The following MYO16 variants were observed in gnomAD, a reference collection of about 807,000 sequenced individuals.
MYO16 encodes the protein unconventional myosin-XVI.
MYO16 carries 94 observed loss-of-function variants against 205.3 expected under a neutral mutation model. The ratio of observed to expected loss-of-function variants is 0.46; its 90% CI spans 0.39 to 0.54. The LOEUF (loss-of-function observed/expected upper bound fraction) is 0.54, where lower values mean the gene tolerates loss of function less well. Ranked by LOEUF, MYO16 falls within the 20% of genes least tolerant of loss-of-function variation. The probability of loss-of-function intolerance (pLI) is 0.00; values close to 1 mark genes in which losing one functional copy is unlikely to be tolerated. For synonymous variants in MYO16, 988 were observed against 954.0 expected, an observed-to-expected ratio of 1.04 and a Z score of -0.66; for missense variants, 2,315 against 2,387.5, an observed-to-expected ratio of 0.97 and a Z score of 0.63.
chr13:108,741,844 T>A (rs931975417), intron 4 of MYO16, among the ~76,000 whole-genome samples: 1 of 152,200 alleles, frequency 6.6e-6, no homozygotes, highest in African/African-American at 2.4e-5. Context: ...GTTTCTGCAA[T>A]ACATTTTCAC....
At chr13:108,980,746 G>A (rs1302983368) in intron 20 of MYO16, among the ~76,000 whole-genome samples, 1 of 152,140 alleles carries the variant, frequency 6.6e-6, no homozygotes, top group African/African-American at 2.4e-5. Context: ...TCCAAGCCTG[G>A]CATCTTTATG....
Position 109,100,792 on chromosome 13 carries a change from C to T in MYO16, c.3343C>T (p.Pro1115Ser), listed in dbSNP as rs1290932355. The change falls in exon 28 of 35, where the codon CCA becomes TCA. Residue 1115 changes from proline (P) to serine (S), a missense_variant. Pro to Ser is a moderately conservative substitution (Grantham distance 74). Coordinates refer to ENST00000457511, the MANE Select transcript of MYO16 (RefSeq NM_001198950.3). ...SFSDFLSRYK[P>S]LADTFLREKK... ...CTCTGCTGCTTTTCACAGGTATAAG[C>T]CACTGGCTGATACATTCCTGCGTGA... 1 of 1,612,248 alleles carries T rather than the reference C, an allele frequency of 6.2e-7. No individual in the cohort carries two copies. The highest frequency in any genetic ancestry group is 8.5e-7 in the Non-Finnish European group (1 of 1,178,500).
chr13:108,693,222 T>C (rs1276115786), intron 2 of MYO16, among the ~76,000 whole-genome samples: 1 of 152,202 alleles, frequency 6.6e-6, no homozygotes, highest in Admixed American at 6.5e-5. Context: ...CTCTTTATGG[T>C]GGTAAAAGAC....
At chr13:108,752,153 A>G (rs1885256552) in intron 4 of MYO16, among the ~76,000 whole-genome samples, 3 of 152,150 alleles carry the variant, frequency 2.0e-5, no homozygotes, top group Non-Finnish European at 1.5e-5. Context: ...CTGTCTTCAA[A>G]TAAAATATTA....
At chr13:109,181,315 A>G (rs763229531) in intron 34 of MYO16, among the ~76,000 whole-genome samples, 30 of 152,358 alleles carry the variant, frequency 2.0e-4, no homozygotes, top group Non-Finnish European at 3.8e-4. Context: ...TCACGTGATG[A>G]GACAGATTCC....
chr13:108,863,453 T>A (rs576396316), intron 11 of MYO16, among the ~76,000 whole-genome samples: 1 of 152,270 alleles, frequency 6.6e-6, no homozygotes, highest in South Asian at 2.1e-4. Flanking sequence ...ATGCAGATGA[T>A]CATATGTCTT....
At chr13:108,565,989 T>C in the MYO16 span, among the ~76,000 whole-genome samples, 1 of 137,534 alleles carries the variant, frequency 7.3e-6, no homozygotes, top group African/African-American at 3.0e-5. Context: ...GGCCTGTAGC[T>C]TTTTTTTTTT....
At chr13:108,994,958 A>T (rs1884955575) in intron 21 of MYO16, among the ~76,000 whole-genome samples, 2 of 152,192 alleles carry the variant, frequency 1.3e-5, no homozygotes, top group African/African-American at 4.8e-5. Flanking sequence ...AAACTTCAGC[A>T]TCTCCAACCT....
At chr13:108,855,724 A>G (rs1878135844) in intron 11 of MYO16, among the ~76,000 whole-genome samples, 171 bp downstream of exon 11, 1 of 152,216 alleles carries the variant, frequency 6.6e-6, no homozygotes, top group South Asian at 2.1e-4. Flanking sequence ...GCTCAGTTAT[A>G]AGGCAAATTC....
chr13:108,714,459 C>G (rs1566566569), intron 3 of MYO16, among the ~76,000 whole-genome samples: 1 of 151,936 alleles, frequency 6.6e-6, no homozygotes, highest in Non-Finnish European at 1.5e-5. Context: ...GTTGCTGTTA[C>G]TAGGAAAGTG....
intron 4 of MYO16, among the ~76,000 whole-genome samples, chr13:108,744,187 T>C (rs150644421): frequency 3.3e-5 from 5 of 152,318 alleles, no homozygotes; most frequent in African/African-American, 1.2e-4. Context: ...AAAATTGAAG[T>C]TTTCAGGCTT....
At chr13:108,697,615 G>A (rs1442827644) in intron 2 of MYO16, among the ~76,000 whole-genome samples, 4 of 152,138 alleles carry the variant, frequency 2.6e-5, no homozygotes, top group African/African-American at 4.8e-5. Context: ...AAAAATAAGA[G>A]TATTTTTAAG....
In MYO16 at chr13:109,140,164, G is replaced by A. The variant is rs923691638; in HGVS notation, c.4052-100G>A. 1.4e-5 allele frequency: 21 copies of A among 1,513,484 alleles called. No individual in the cohort carries two copies. The highest frequency in any genetic ancestry group is 1.1e-4 in the African/African-American group (8 of 70,088). The allele number at this position is 1,513,484 out of a possible 1,614,324, so 93.8% of individuals were successfully genotyped here. Reference sequence around the variant, plus strand: ...GCAGGCCCGGTCCCTTGGGATTCTCGGGGCACGGGGCCGTGGCTCCCTCCG... The same window carrying A: ...GCAGGCCCGGTCCCTTGGGATTCTCAGGGCACGGGGCCGTGGCTCCCTCCG... On this transcript the variant is annotated intron_variant, in intron 31 of 34. Coordinates refer to ENST00000457511, the MANE Select transcript of MYO16 (RefSeq NM_001198950.3). The surrounding 1 kb of genome is among the most constrained non-coding windows in gnomAD (Gnocchi z 8.0).
chr13:108,830,063 C>T (rs373846862), intron 9 of MYO16, among the ~76,000 whole-genome samples: 6 of 136,530 alleles, frequency 4.4e-5, no homozygotes, highest in South Asian at 5.1e-4. Flanking sequence ...CAATGAGATA[C>T]CATCTCACAC....
intron 31 of MYO16, among the ~76,000 whole-genome samples, chr13:109,132,275 C>T (rs1279953215): frequency 6.6e-6 from 1 of 152,178 alleles, no homozygotes; most frequent in Non-Finnish European, 1.5e-5. Flanking sequence ...TCCACACTCA[C>T]CCTCCCTTCA....
upstream of MYO16, among the ~76,000 whole-genome samples, chr13:108,626,348 G>A (rs538911084): frequency 2.3e-4 from 35 of 152,196 alleles, 1 homozygote; most frequent in South Asian, 1.2e-3. Context: ...TGCTTTATGC[G>A]TTTGAAAATT....
At chr13:109,170,153 G>A (rs1878867908) in intron 33 of MYO16, among the ~76,000 whole-genome samples, 1 of 151,256 alleles carries the variant, frequency 6.6e-6, no homozygotes, top group African/African-American at 2.4e-5. Context: ...CATAAATAGG[G>A]AGAAAATATT....
intron 20 of MYO16, 65 bp from the exon 21 acceptor site, chr13:108,992,311 T>C: frequency 4.2e-6 from 5 of 1,196,414 alleles, no homozygotes; most frequent in South Asian, 1.4e-5. Flanking sequence ...ACCTGAATAA[T>C]GAAAAGAGGG....
Position 108,806,569 on chromosome 13 carries a change from T to C in MYO16, c.742-110T>C, listed in dbSNP as rs1396593687. On this transcript the variant is annotated intron_variant, in intron 6 of 34. Transcript: ENST00000457511. ...TATGTTCTTTTGTTTTTATGGTCTC[T>C]GTATTTTAGATCCACCATTTCATTA... 6.9e-6 allele frequency: 6 copies of C among 866,278 alleles called. No homozygotes were observed. The Admixed American group carries it at 1.5e-4, about 22-fold the overall frequency. 53.7% of individuals were successfully genotyped at this position (866,278 alleles called of 1,614,324 possible). A position where few individuals can be genotyped will look rare whatever the true frequency, so the allele number is the denominator to read the frequency against.
Sources: allele counts gnomAD v4.1 joint callset (sites outside exome capture counted in the v4.1 genomes callset), GRCh38; gene constraint gnomAD v4.1.1; non-coding constraint Gnocchi (gnomAD v3.1); transcripts MANE v1.5; gene names NCBI Gene and HGNC (gene_info 2026-07-23, HGNC 2026-07-21).